The following SPART variants were observed in gnomAD, a reference collection of about 807,000 sequenced individuals.
The protein encoded by SPART is spastic paraplegia 20 (Troyer syndrome).
In SPART, 35 loss-of-function variants were observed where a neutral mutation model predicts 58.7. The observed-to-expected ratio is 0.60, with a 90% CI of 0.46 to 0.79. The LOEUF is 0.79. Among genes scored for constraint, SPART ranks in the 30% least tolerant of loss-of-function variants. The probability of loss-of-function intolerance (pLI) is 0.00; values close to 1 mark genes in which losing one functional copy is unlikely to be tolerated. For synonymous variants in SPART, 284 were observed against 280.7 expected (o/e 1.01, Z -0.12); for missense variants, 730 against 786.1 (o/e 0.93, Z 0.85).
At chr13:36,368,593 G>A (rs1208400816) in intron 1 of SPART, among the ~76,000 whole-genome samples, 2 of 152,170 alleles carry the variant, frequency 1.3e-5, no homozygotes, top group African/African-American at 4.8e-5. Context: ...TAAGAGAAGT[G>A]AGGCTATCAA....
Position 36,332,109 on chromosome 13 carries a change from G to A in SPART, c.811-513C>T, listed in dbSNP as rs115697445. The stretch of plus-strand genomic sequence containing the variant: ...GAGGCACAGAGAGGTCAATTAAGTC[G>A]CCCAGAACCAACAACTAAAAAGTGG... On this transcript the variant is annotated intron_variant, in intron 2 of 8. Coordinates refer to ENST00000438666, the MANE Select transcript of SPART (RefSeq NM_015087.5). 4.9e-3 allele frequency among the ~76,000 whole-genome samples: 745 copies of A among 152,056 alleles called. 7 individuals carry two copies. Among genetic ancestry groups the A allele is most frequent in the African/African-American group, 0.017 (687 of 41,444 alleles).
In SPART at chr13:36,331,563, T is replaced by C. The variant is rs769299590; in HGVS notation, c.844A>G (p.Arg282Gly). The C allele has an allele frequency of 1.2e-5, 19 of 1,613,986 alleles. No individual in the cohort carries two copies. In the East Asian group the frequency reaches 4.2e-4, roughly 36 times the overall value. Reference protein sequence around the residue: ...CDWLYPLVPDRSPVLKCTAGA... With the variant: ...CDWLYPLVPDGSPVLKCTAGA... ...GCAGTACATTTCAGAACCGGAGATC[T>C]ATCAGGAACTAGAGGATATAACCAG... Residue 282 changes from arginine (R) to glycine (G), a missense_variant, in exon 3 of 9, where the codon AGA (arginine) becomes GGA (glycine). By Grantham distance (125) the Arg-to-Gly change is moderately radical. Coordinates refer to ENST00000438666, the MANE Select transcript of SPART (RefSeq NM_015087.5).
Position 36,335,576 on chromosome 13 carries a change from TAG to T in SPART, c.253_254del (p.Leu85ThrfsTer21), listed in dbSNP as rs1883921072. Reference sequence around the variant, plus strand: ...TTTCCAGCCTGGTGCGTACATTCTGTAGAGTTTCTTTCATTTTCTGTTGCATC... The same window carrying T: ...TTTCCAGCCTGGTGCGTACATTCTGTAGTTTCTTTCATTTTCTGTTGCATC... Reference protein sequence around the residue: ...RQMQQKMKETLQNVRTRLEIL... With the variant: ...RQMQQKMKETXQNVRTRLEIL... On this transcript the variant is annotated frameshift_variant, in exon 2 of 9. Transcript: ENST00000438666. LOFTEE classifies it high-confidence loss of function. 2 of 1,613,816 alleles carry T rather than the reference TAG, an allele frequency of 1.2e-6. No individual in the cohort carries two copies. Among genetic ancestry groups the T allele is most frequent in the East Asian group, 2.2e-5 (1 of 44,890 alleles).
At chr13:36,312,014 G>C (rs1447941756) in intron 8 of SPART, 131 bp downstream of exon 8, 1 of 778,904 alleles carries the variant, frequency 1.3e-6, no homozygotes, top group Non-Finnish European at 2.2e-6. Flanking sequence ...CTGAACCTGG[G>C]AGGTGGAGGT....
At chr13:36,322,526 C>G (rs757306033) in intron 5 of SPART, among the ~76,000 whole-genome samples, 1 of 152,140 alleles carries the variant, frequency 6.6e-6, no homozygotes, top group African/African-American at 2.4e-5. Context: ...TAGCTGAACC[C>G]TAAGATTATA....
At chr13:36,330,490 T>C (rs1195466237) in intron 3 of SPART, among the ~76,000 whole-genome samples, 1 of 152,074 alleles carries the variant, frequency 6.6e-6, no homozygotes, top group Non-Finnish European at 1.5e-5. Flanking sequence ...TTCTCATACT[T>C]TGCCCATCCC....
At chr13:36,334,440 AT>A (rs34463694) in intron 2 of SPART, among the ~76,000 whole-genome samples, 36,433 of 151,602 alleles carry the variant, frequency 0.24, 4,843 homozygotes, top group East Asian at 0.51. Flanking sequence ...GGGCAGGATA[AT>A]TTTTTTTTGT....
chr13:36,325,154 A>G (rs1882800993), intron 5 of SPART, among the ~76,000 whole-genome samples: 2 of 152,128 alleles, frequency 1.3e-5, no homozygotes, highest in Non-Finnish European at 2.9e-5. Context: ...AAAACTTGGG[A>G]AAACGACCTT....
intron 1 of SPART, among the ~76,000 whole-genome samples, chr13:36,358,785 A>G (rs914857185): frequency 7.2e-5 from 11 of 152,178 alleles, no homozygotes; most frequent in African/African-American, 2.7e-4. Flanking sequence ...GCCCACACAA[A>G]CTACATATAT....
At position 36,312,188 on chromosome 13, in the gene SPART, C is replaced by T. The variant is rs1036407360; in HGVS notation, c.1690G>A (p.Val564Ile). The T allele has an allele frequency of 8.1e-6, 13 of 1,613,978 alleles. No homozygotes were observed. The highest frequency in any genetic ancestry group is 6.7e-5 in the Admixed American group (4 of 59,998). The change falls in exon 8 of 9, where the codon GTT becomes ATT. Residue 564 changes from valine to isoleucine, a missense_variant. Coordinates refer to ENST00000438666, the MANE Select transcript of SPART (RefSeq NM_015087.5). ...QGLECAAKCI[V>I]NNVSAETVQT... ...ACAGTTTCTGCTGAAACATTGTTAACGATGCATTTAGCTGCACATTCCAAT... is the reference window on the plus strand; with the variant it reads ...ACAGTTTCTGCTGAAACATTGTTAATGATGCATTTAGCTGCACATTCCAAT...
intron 8 of SPART, among the ~76,000 whole-genome samples, chr13:36,305,447 G>A (rs889153998): frequency 6.6e-6 from 1 of 151,932 alleles, no homozygotes; most frequent in Admixed American, 6.6e-5. Flanking sequence ...AAACCCTATT[G>A]GAGAGGAGAA....
At chr13:36,349,097 C>G (rs532525263), upstream of SPART, among the ~76,000 whole-genome samples, 3 of 152,214 alleles carry the variant, frequency 2.0e-5, no homozygotes, top group East Asian at 5.8e-4. Context: ...AACCCGGTCT[C>G]TACTAAAAAT....
At chr13:36,308,506 A>T (rs1299431217) in intron 8 of SPART, 1 of 152,198 alleles carries the variant, frequency 6.6e-6, no homozygotes, top group African/African-American at 2.4e-5. Flanking sequence ...GCTGAGAATC[A>T]CTGTTAAAAA....
chr13:36,307,693 G>T (rs148469606), intron 8 of SPART, among the ~76,000 whole-genome samples: 1 of 152,120 alleles, frequency 6.6e-6, no homozygotes, highest in Non-Finnish European at 1.5e-5. Flanking sequence ...GTACTATACC[G>T]CAATTAAGTG....
intron 8 of SPART, among the ~76,000 whole-genome samples, chr13:36,307,725 T>C (rs757332880): frequency 4.6e-5 from 7 of 152,222 alleles, no homozygotes; most frequent in Non-Finnish European, 7.4e-5. Flanking sequence ...AAGTTACTTA[T>C]TGTTTTTCAT....
At chr13:36,315,839 G>C (rs1410208441) in intron 5 of SPART, among the ~76,000 whole-genome samples, 2 of 152,072 alleles carry the variant, frequency 1.3e-5, no homozygotes, top group Non-Finnish European at 2.9e-5. Flanking sequence ...ATCCTATAAT[G>C]AAATTATAAG....
At chr13:36,325,855 C>A (rs1340227163) in intron 5 of SPART, 1 of 152,256 alleles carries the variant, frequency 6.6e-6, no homozygotes, top group African/African-American at 2.4e-5. Context: ...TGAACATGGT[C>A]TCATTTTTTG....
chr13:36,336,816 A>G (rs1323512202), intron 1 of SPART, among the ~76,000 whole-genome samples: 3 of 152,256 alleles, frequency 2.0e-5, no homozygotes, highest in Non-Finnish European at 4.4e-5. Context: ...ATGCAATAAT[A>G]CACAGAAAAA....
intron 5 of SPART, among the ~76,000 whole-genome samples, chr13:36,319,046 C>T (rs1462382106): frequency 2.6e-5 from 4 of 151,938 alleles, no homozygotes; most frequent in South Asian, 4.2e-4. Flanking sequence ...CCACATTACC[C>T]TCTTTTCAAG....
Sources: gnomAD v4.1 joint callset for allele counts (sites outside exome capture counted in the v4.1 genomes callset) on GRCh38, gnomAD v4.1.1 for gene constraint, MANE v1.5 for transcripts, NCBI Gene and HGNC (gene_info 2026-07-23, HGNC 2026-07-21) for gene names.